EVI2B: variants seen among roughly 807,000 people sequenced by gnomAD.
The protein encoded by EVI2B is protein EVI2B.
EVI2B carries 4 observed loss-of-function variants against 6.6 expected under a neutral mutation model. That is an observed-to-expected ratio of 0.61 (90% CI 0.30 to 1.39). The LOEUF is 1.39. EVI2B is among the 40% of genes most tolerant of loss of function. EVI2B has a pLI of 0.08. For missense variants in EVI2B, 484 were observed against 516.6 expected, an observed-to-expected ratio of 0.94 and a Z score of 0.61; for synonymous variants, 181 against 186.8, an observed-to-expected ratio of 0.97 and a Z score of 0.25.
In EVI2B at chr17:31,310,940, CT is replaced by C. The variant is rs77429998; in HGVS notation, c.-22+3038del. ...GGAGTCCCCGTGTATAAGACATGTT[CT>C]TTTTTTTTTTTTTTTTCCGTTTGGA... On this transcript the variant is annotated intron_variant, in intron 1 of 1. Coordinates refer to ENST00000330927, the MANE Select transcript of EVI2B (RefSeq NM_006495.4). 6.5e-3 allele frequency among the ~76,000 whole-genome samples: 852 copies of C among 130,802 alleles called. 9 individuals are homozygous for C. In the East Asian group the frequency reaches 0.071, roughly 11 times the overall value. The allele number at this position is 130,802 out of a possible 152,430, so 85.8% of individuals were successfully genotyped here.
chr17:31,304,732 T>A lies in EVI2B; in HGVS notation c.878A>T (p.Glu293Val). The A allele has an allele frequency of 6.2e-7, 1 of 1,614,202 alleles. No homozygotes were observed. The highest frequency in any genetic ancestry group is 2.2e-5 in the East Asian group (1 of 44,882). Residue 293 changes from glutamate to valine, a missense_variant, in exon 2 of 2, where the codon GAA (glutamate) becomes GTA (valine). By Grantham distance (121) the Glu-to-Val change is moderately radical (BLOSUM62 -2). Coordinates refer to ENST00000330927, the MANE Select transcript of EVI2B (RefSeq NM_006495.4). ...GGAGTCTTCAATGTTTTCACTTGAT[T>A]CAAACAACTTAATTTCTAAGTCATC... ...LADDLEIKLF[E>V]SSENIEDSNN...
rs180817786 is a variant in EVI2B, at chr17:31,305,291, T to C, written c.319A>G (p.Lys107Glu). 4.8e-5 allele frequency: 78 copies of C among 1,614,128 alleles called. No individual in the cohort carries two copies. The East Asian group carries it at 9.1e-4, about 19-fold the overall frequency. ...GTGTTGGCTATTGGTGTTGGTTGTT[T>C]GGTGTTGTAGGCAAGTGGTTGTCCA... ...SAGQPLAYNT[K>E]QPTPIANTSS... The change falls in exon 2 of 2, where the codon AAA becomes GAA. Residue 107 changes from lysine to glutamate, a missense_variant. Physicochemically the swap from Lys to Glu is moderately conservative, Grantham distance 56 (BLOSUM62 1). Coordinates refer to ENST00000330927, the MANE Select transcript of EVI2B (RefSeq NM_006495.4).
chr17:31,308,078 G>T, intron 1 of EVI2B: 3 of 340,576 alleles, frequency 8.8e-6, no homozygotes, highest in South Asian at 7.5e-5. Context: ...TCTTAAAAGT[G>T]TGCATGATCA....
At chr17:31,311,110 G>A (rs777982315) in intron 1 of EVI2B, among the ~76,000 whole-genome samples, 4 of 151,510 alleles carry the variant, frequency 2.6e-5, no homozygotes, top group Non-Finnish European at 5.9e-5. Flanking sequence ...ACTACACCAC[G>A]CCCAACTAAT....
Position 31,304,459 on chromosome 17 carries a change from C to G in EVI2B, c.1151G>C (p.Cys384Ser). Residue 384 changes from cysteine (C) to serine (S), a missense_variant, in exon 2 of 2, where the codon TGT (cysteine) becomes TCT (serine). Cys to Ser is a moderately radical substitution (Grantham distance 112). Transcript: ENST00000330927. The part of the protein sequence containing the change: ...PPSLDCLNQD[C>S]GDHKSEIIQS... ...TATTATCTCAGATTTATGATCTCCACAGTCTTGATTGAGACAGTCCAGAGA... is the reference window on the plus strand; with the variant it reads ...TATTATCTCAGATTTATGATCTCCAGAGTCTTGATTGAGACAGTCCAGAGA... 6.2e-7 allele frequency: 1 copy of G among 1,614,140 alleles called. No individual in the cohort carries two copies. Among genetic ancestry groups the G allele is most frequent in the East Asian group, 2.2e-5 (1 of 44,880 alleles).
intron 1 of EVI2B, among the ~76,000 whole-genome samples, chr17:31,312,802 A>G (rs1221732589): frequency 6.6e-6 from 1 of 152,146 alleles, no homozygotes; most frequent in African/African-American, 2.4e-5. Context: ...GAAATGGGAT[A>G]TCACCCACTA....
At chr17:31,313,844 A>G (rs1268890412) in intron 1 of EVI2B, 135 bp downstream of exon 1, 5 of 389,152 alleles carry the variant, frequency 1.3e-5, no homozygotes, top group East Asian at 3.7e-5. Context: ...TTTTAATTCT[A>G]TGCAACAAAA....
chr17:31,304,863 G>T lies in EVI2B; in HGVS notation c.747C>A (p.Thr249=). 6.2e-7 allele frequency: 1 copy of T among 1,613,726 alleles called. No homozygotes were observed. Among genetic ancestry groups the T allele is most frequent in the Non-Finnish European group, 8.5e-7 (1 of 1,179,954 alleles). ...AGRSPFADGE[T]PDICMDNIRE... ...TGATGTTATCCATACAAATGTCAGG[G>T]GTTTCTCCATCAGCAAATGGAGATC... is the stretch of plus-strand genomic sequence containing the variant. The change falls in exon 2 of 2, where the codon ACC becomes ACA. Residue 249 remains threonine (T), a synonymous_variant. Coordinates refer to ENST00000330927, the MANE Select transcript of EVI2B (RefSeq NM_006495.4).
At chr17:31,312,179 C>CT (rs1361650009) in intron 1 of EVI2B, among the ~76,000 whole-genome samples, 2 of 151,952 alleles carry the variant, frequency 1.3e-5, no homozygotes, top group Non-Finnish European at 2.9e-5. Flanking sequence ...AACACAGGCA[C>CT]TACTAGTAAA....
intron 1 of EVI2B, among the ~76,000 whole-genome samples, chr17:31,310,233 A>G (rs1423923110): frequency 6.6e-6 from 1 of 152,186 alleles, no homozygotes; most frequent in Non-Finnish European, 1.5e-5. Flanking sequence ...ATAAAAGGCA[A>G]TGCAAAGAAA....
intron 1 of EVI2B, among the ~76,000 whole-genome samples, chr17:31,306,247 C>G (rs924424845): frequency 2.6e-5 from 4 of 152,194 alleles, no homozygotes; most frequent in East Asian, 1.9e-4. Flanking sequence ...TCTGTCCTCA[C>G]CCTTACCTAC....
At chr17:31,307,653 A>C (rs1252695820) in intron 1 of EVI2B, among the ~76,000 whole-genome samples, 2 of 152,176 alleles carry the variant, frequency 1.3e-5, no homozygotes, top group African/African-American at 2.4e-5. Flanking sequence ...TTTCCTCTAA[A>C]GTGAAGAGTT....
chr17:31,306,696 A>G (rs1373135303), intron 1 of EVI2B, among the ~76,000 whole-genome samples: 1 of 152,088 alleles, frequency 6.6e-6, no homozygotes, highest in Non-Finnish European at 1.5e-5. Flanking sequence ...AATCTGGTGG[A>G]GTAAATTCAA....
chr17:31,305,021 T>C lies in EVI2B; in HGVS notation c.589A>G (p.Lys197Glu), dbSNP rs2068674215. 6.2e-7 allele frequency: 1 copy of C among 1,614,062 alleles called. No homozygotes were observed. The highest frequency in any genetic ancestry group is 8.5e-7 in the Non-Finnish European group (1 of 1,180,028). The change falls in exon 2 of 2, where the codon AAA becomes GAA. Residue 197 changes from lysine to glutamate, a missense_variant. Physicochemically the swap from Lys to Glu is moderately conservative, Grantham distance 56. Transcript: ENST00000330927. Reference protein sequence around the residue: ...DTTSNKQTPQKNNYNSIAAIL... With the variant: ...DTTSNKQTPQENNYNSIAAIL... The stretch of plus-strand genomic sequence containing the variant: ...GCAGCTATTGAATTATAATTGTTTT[T>C]TTGTGGGGTTTGTTTGTTACTGGTA...
chr17:31,306,977 C>T (rs191395669), intron 1 of EVI2B, among the ~76,000 whole-genome samples: 170 of 151,516 alleles, frequency 1.1e-3, no homozygotes, highest in African/African-American at 3.9e-3. Context: ...TAGTAAGATC[C>T]CATCTCTAAA....
intron 1 of EVI2B, among the ~76,000 whole-genome samples, chr17:31,308,774 ATCAG>A (rs570258520): frequency 1.6e-3 from 251 of 152,250 alleles, no homozygotes; most frequent in Admixed American, 2.9e-3. Context: ...GCCCAAACAG[ATCAG>A]TCATTTACTG....
intron 1 of EVI2B, among the ~76,000 whole-genome samples, chr17:31,313,404 G>T (rs1462347143): frequency 6.6e-6 from 1 of 151,924 alleles, no homozygotes; most frequent in Admixed American, 6.6e-5. Flanking sequence ...TAAAACTAAG[G>T]TTAACAAATA....
At position 31,305,042 on chromosome 17, in the gene EVI2B, TG is replaced by T; in HGVS notation, c.567del (p.Ser190ValfsTer14). 1.2e-6 allele frequency: 2 copies of T among 1,614,244 alleles called. No individual in the cohort carries two copies. Among genetic ancestry groups the T allele is most frequent in the Non-Finnish European group, 1.7e-6 (2 of 1,180,038 alleles). ...RSTPGFILDT[T>X]SNKQTPQKNN... ...TTTTTTTGTGGGGTTTGTTTGTTAC[TG>T]GTAGTATCTAAGATAAATCCTGGTG... On this transcript the variant is annotated frameshift_variant, in exon 2 of 2. Transcript: ENST00000330927. LOFTEE classifies it high-confidence loss of function.
intron 1 of EVI2B, chr17:31,308,036 C>T (rs571055771): frequency 5.9e-5 from 36 of 611,200 alleles, no homozygotes; most frequent in South Asian, 4.8e-4. Flanking sequence ...AAACAGTTCT[C>T]CTTTGAACTC....
Sources: allele counts gnomAD v4.1 joint callset (sites outside exome capture counted in the v4.1 genomes callset), GRCh38; gene constraint gnomAD v4.1.1; transcripts MANE v1.5; gene names NCBI Gene and HGNC (gene_info 2026-07-23, HGNC 2026-07-21).